Variants in SV2C observed in about 807,000 individuals in gnomAD.
SV2C encodes the protein synaptic vesicle glycoprotein 2C, also known as solute carrier family 22 member B3.
In SV2C, 49 loss-of-function variants were observed where a neutral mutation model predicts 79.7. That is an observed-to-expected ratio of 0.61 (90% CI 0.49 to 0.78). The LOEUF (loss-of-function observed/expected upper bound fraction) is 0.78, where lower values mean the gene tolerates loss of function less well. Ranked by LOEUF, SV2C falls within the 30% of genes least tolerant of loss-of-function variation. The probability of loss-of-function intolerance (pLI) is 0.00; values close to 1 mark genes in which losing one functional copy is unlikely to be tolerated. For missense variants in SV2C, 833 were observed against 912.9 expected (o/e 0.91, Z 1.13); for synonymous variants, 334 against 333.2 (o/e 1.00, Z -0.03).
At chr5:75,922,933 T>C in the SV2C span, among the ~76,000 whole-genome samples, 1 of 152,092 alleles carries the variant, frequency 6.6e-6, no homozygotes, top group Non-Finnish European at 1.5e-5. Context: ...CAACAGAACA[T>C]ATCAACTAAT....
At chr5:76,270,776 T>C (rs550275324) in intron 4 of SV2C, among the ~76,000 whole-genome samples, 1 of 138,350 alleles carries the variant, frequency 7.2e-6, no homozygotes, top group South Asian at 2.1e-4. Context: ...ATTTTTATTA[T>C]TTTTTTTTTT....
At chr5:76,096,428 A>G (rs565816717) in intron 1 of SV2C, among the ~76,000 whole-genome samples, 1 of 152,336 alleles carries the variant, frequency 6.6e-6, no homozygotes, top group Admixed American at 6.5e-5. Context: ...ACATAAAGCA[A>G]CAATCATTTA....
chr5:76,315,139 G>A (rs1034899696), intron 12 of SV2C, among the ~76,000 whole-genome samples: 6 of 151,600 alleles, frequency 4.0e-5, no homozygotes, highest in Admixed American at 2.6e-4. Context: ...GGCCCTGCTC[G>A]AAGGGGTGCA....
intron 3 of SV2C, among the ~76,000 whole-genome samples, chr5:76,198,086 C>A (rs1182429652): frequency 1.3e-5 from 2 of 152,158 alleles, no homozygotes; most frequent in Non-Finnish European, 2.9e-5. Flanking sequence ...TGGTGCCCAC[C>A]CACCCCTGAG....
the SV2C span, among the ~76,000 whole-genome samples, chr5:75,932,877 C>G: frequency 6.6e-6 from 1 of 152,192 alleles, no homozygotes; most frequent in African/African-American, 2.4e-5. Context: ...CACTTCCTTC[C>G]CCTCTTCCAC....
At chr5:76,041,137 T>C in the SV2C span, among the ~76,000 whole-genome samples, 1 of 152,162 alleles carries the variant, frequency 6.6e-6, no homozygotes. Flanking sequence ...TGAGCAAGAA[T>C]ACAAATAGAA....
At chr5:75,994,191 C>T in the SV2C span, among the ~76,000 whole-genome samples, 1 of 151,998 alleles carries the variant, frequency 6.6e-6, no homozygotes, top group East Asian at 1.9e-4. Context: ...AAACGTAAAT[C>T]ATGTCTATAT....
chr5:75,921,285 A>G, the SV2C span: 30 of 1,482,662 alleles, frequency 2.0e-5, no homozygotes, highest in South Asian at 3.0e-4. Context: ...TTGCCATCCC[A>G]CTTGTCAAAA....
chr5:76,339,743 C>T (rs1039664046), intron 12 of SV2C, among the ~76,000 whole-genome samples: 4 of 151,610 alleles, frequency 2.6e-5, no homozygotes, highest in African/African-American at 9.7e-5. Flanking sequence ...AAAAAGATTT[C>T]TCATTTCTCC....
At chr5:76,068,850 G>A in the SV2C span, among the ~76,000 whole-genome samples, 2 of 151,904 alleles carry the variant, frequency 1.3e-5, no homozygotes, top group South Asian at 2.1e-4. Context: ...TACACAGCCC[G>A]ACCTAGAGAG....
the SV2C span, among the ~76,000 whole-genome samples, chr5:75,971,715 A>G: frequency 6.6e-6 from 1 of 152,184 alleles, no homozygotes; most frequent in Non-Finnish European, 1.5e-5. Context: ...GCTCATGGGT[A>G]GGAAGAATCA....
At chr5:76,097,501 A>T (rs1747604820) in intron 1 of SV2C, among the ~76,000 whole-genome samples, 1 of 152,228 alleles carries the variant, frequency 6.6e-6, no homozygotes, top group Admixed American at 6.5e-5. Flanking sequence ...AGATATTAGC[A>T]TCCAATGTCT....
At chr5:76,232,192 TG>T (rs1278328745) in intron 4 of SV2C, among the ~76,000 whole-genome samples, 2 of 147,032 alleles carry the variant, frequency 1.4e-5, no homozygotes, top group Admixed American at 1.3e-4. Context: ...TGGCCAGTGA[TG>T]GTGAGCATTT....
the SV2C span, among the ~76,000 whole-genome samples, chr5:75,987,950 T>A: frequency 6.6e-6 from 1 of 152,038 alleles, no homozygotes; most frequent in Non-Finnish European, 1.5e-5. Flanking sequence ...AAATGTTACC[T>A]GCATTAGTTA....
At chr5:76,253,005 A>T (rs961445211) in intron 4 of SV2C, among the ~76,000 whole-genome samples, 2 of 152,212 alleles carry the variant, frequency 1.3e-5, no homozygotes, top group Admixed American at 1.3e-4. Flanking sequence ...TGTTATATTG[A>T]TCAATTGTGT....
At chr5:76,071,348 C>T in the SV2C span, among the ~76,000 whole-genome samples, 160 of 152,148 alleles carry the variant, frequency 1.1e-3, 1 homozygote, top group African/African-American at 3.7e-3. Context: ...TCTGAGCTGC[C>T]GATGCATATA....
the SV2C span, among the ~76,000 whole-genome samples, chr5:75,860,489 A>G: frequency 6.6e-6 from 1 of 152,246 alleles, no homozygotes; most frequent in Non-Finnish European, 1.5e-5. Context: ...GGAAGAATCA[A>G]TATCATTAAA....
At chr5:76,125,766 A>G (rs917712976) in intron 1 of SV2C, among the ~76,000 whole-genome samples, 2 of 152,180 alleles carry the variant, frequency 1.3e-5, no homozygotes, top group African/African-American at 2.4e-5. Flanking sequence ...TCCTCATTTA[A>G]TAACATTAAG....
chr5:76,032,454 G>T, the SV2C span, among the ~76,000 whole-genome samples: 1 of 152,004 alleles, frequency 6.6e-6, no homozygotes, highest in Non-Finnish European at 1.5e-5. Context: ...GTGTCCATGT[G>T]TTCTCATTGT....
Sources: allele counts gnomAD v4.1 joint callset (sites outside exome capture counted in the v4.1 genomes callset), GRCh38; gene constraint gnomAD v4.1.1; transcripts MANE v1.5; gene names NCBI Gene and HGNC (gene_info 2026-07-23, HGNC 2026-07-21).